The following GGACT variants were observed in gnomAD, a reference collection of about 807,000 sequenced individuals.
The protein encoded by GGACT is gamma-glutamylaminecyclotransferase.
For synonymous variants in GGACT, 118 were observed against 115.3 expected (o/e 1.02, Z -0.15); for missense variants, 241 against 233.2 (o/e 1.03, Z -0.22).
At chr13:100,564,178 A>AT (rs2088789613) in intron 2 of GGACT, among the ~76,000 whole-genome samples, 1 of 152,114 alleles carries the variant, frequency 6.6e-6, no homozygotes, top group South Asian at 2.1e-4. Flanking sequence ...AAAATACAGT[A>AT]TTTTTCAAAG....
At position 100,587,811 on chromosome 13, in the gene GGACT, G is replaced by A. The variant is rs1594202583; in HGVS notation, c.-184+930C>T. Among the ~76,000 whole-genome samples, 5 of 152,282 alleles carry A rather than the reference G, an allele frequency of 3.3e-5. 1 individual carries two copies. In the South Asian group the frequency reaches 1.0e-3, roughly 32 times the overall value. ...GGGAGGCCAAGGCGGGCGGATCACG[G>A]GGTCAGGAGTTCGAGACCAGCCTGG... On this transcript the variant is annotated intron_variant, in intron 1 of 2. Transcript: ENST00000683975.
rs2088592799 is a variant in GGACT, at chr13:100,545,074, G to A, written c.-10-12473C>T. ...AACACATGCTGGGCAGGCGGCCAGC[G>A]GCCCAACACTGGAGATGCCGTCAAC... On this transcript the variant is annotated intron_variant, in intron 2 of 2. Coordinates refer to ENST00000683975, the MANE Select transcript of GGACT (RefSeq NM_001195087.2). This position sits in a 1 kb window ranked among gnomAD's most constrained non-coding sequence, Gnocchi z 4.4. Among the ~76,000 whole-genome samples, 2 of 152,182 alleles carry A rather than the reference G, an allele frequency of 1.3e-5. No homozygotes were observed. The highest frequency in any genetic ancestry group is 2.4e-5 in the African/African-American group (1 of 41,454).
chr13:100,576,004 G>A (rs1048288972), intron 2 of GGACT, among the ~76,000 whole-genome samples: 2 of 152,188 alleles, frequency 1.3e-5, no homozygotes, highest in African/African-American at 4.8e-5. Flanking sequence ...ATTGCAAAAT[G>A]CATTGTGAAT....
chr13:100,532,438 A>G lies in GGACT; in HGVS notation c.154T>C (p.Trp52Arg). 1 of 1,549,922 alleles carries G rather than the reference A, an allele frequency of 6.5e-7. No individual in the cohort carries two copies. The highest frequency in any genetic ancestry group is 1.2e-5 in the South Asian group (1 of 84,044). ...CCCGAGCCGGGCAGGTGCAGCAGCC[A>G]CGGGATGTTGTGCTCCCCCGCGATC... ...LVIAGEHNIP[W>R]LLHLPGSGRL... The change falls in exon 3 of 3, where the codon TGG becomes CGG. Residue 52 changes from tryptophan to arginine, a missense_variant. By Grantham distance (101) the Trp-to-Arg change is moderately radical (BLOSUM62 -3). Transcript: ENST00000683975.
chr13:100,559,140 C>T (rs1429115649), intron 2 of GGACT, among the ~76,000 whole-genome samples: 1 of 152,110 alleles, frequency 6.6e-6, no homozygotes, highest in African/African-American at 2.4e-5. Context: ...TGCACAACAT[C>T]CCAAAAAACC....
intron 2 of GGACT, among the ~76,000 whole-genome samples, chr13:100,551,422 A>C (rs1174257630): frequency 1.3e-5 from 2 of 152,208 alleles, no homozygotes; most frequent in African/African-American, 4.8e-5. Flanking sequence ...CAAGGTGAGG[A>C]GGCCACTAGC....
chr13:100,561,972 T>G (rs1477451610), intron 2 of GGACT, among the ~76,000 whole-genome samples: 1 of 152,214 alleles, frequency 6.6e-6, no homozygotes, highest in Non-Finnish European at 1.5e-5. Flanking sequence ...TCAAAGGTCA[T>G]GCGGCAGAGT....
intron 2 of GGACT, among the ~76,000 whole-genome samples, chr13:100,554,548 C>G (rs2088695391): frequency 6.6e-6 from 1 of 152,088 alleles, no homozygotes; most frequent in African/African-American, 2.4e-5. Flanking sequence ...ACAGGTAAAT[C>G]TAGGTAATAA....
At chr13:100,556,936 C>T (rs1386729391) in intron 2 of GGACT, among the ~76,000 whole-genome samples, 1 of 152,078 alleles carries the variant, frequency 6.6e-6, no homozygotes, top group African/African-American at 2.4e-5. Flanking sequence ...TGCAGTGATG[C>T]AATCTTGGCT....
intron 2 of GGACT, chr13:100,539,693 C>G: frequency 1.7e-6 from 1 of 585,484 alleles, no homozygotes; most frequent in Non-Finnish European, 3.0e-6. Context: ...GCCTTAGTAT[C>G]AGGGTGATGC....
At chr13:100,572,666 A>G (rs1249238681) in intron 2 of GGACT, among the ~76,000 whole-genome samples, 1 of 152,172 alleles carries the variant, frequency 6.6e-6, no homozygotes, top group Non-Finnish European at 1.5e-5. Flanking sequence ...TCCTTGCCTC[A>G]AGGTATCCTC....
rs750504207 is a variant in GGACT at position 100,580,676 on chromosome 13, A to G, written c.-11+3149T>C. Among the ~76,000 whole-genome samples the G allele has an allele frequency of 4.0e-4, 61 of 152,340 alleles. 1 individual carries two copies. Among genetic ancestry groups the G allele is most frequent in the Middle Eastern group, 6.8e-3 (2 of 294 alleles). ...CAAAGGCTGCCTTGGCTTAGGCAGAATAAAACAGCCAGGGCTCACAAGTGA... is the reference window on the plus strand; with the variant it reads ...CAAAGGCTGCCTTGGCTTAGGCAGAGTAAAACAGCCAGGGCTCACAAGTGA... On this transcript the variant is annotated intron_variant, in intron 2 of 2. Coordinates refer to ENST00000683975, the MANE Select transcript of GGACT (RefSeq NM_001195087.2).
chr13:100,553,810 C>T (rs1185628967), intron 2 of GGACT, among the ~76,000 whole-genome samples: 1 of 148,540 alleles, frequency 6.7e-6, no homozygotes, highest in Non-Finnish European at 1.5e-5. Flanking sequence ...CGCCACTGCA[C>T]TCCAGCGGGG....
At chr13:100,541,375 T>G (rs542845005) in intron 2 of GGACT, among the ~76,000 whole-genome samples, 1 of 152,312 alleles carries the variant, frequency 6.6e-6, no homozygotes, top group South Asian at 2.1e-4. Flanking sequence ...GGGCAAGTGA[T>G]TTCAAGTTCT....
chr13:100,584,488 A>AG (rs1875507095), intron 1 of GGACT, among the ~76,000 whole-genome samples: 1 of 152,108 alleles, frequency 6.6e-6, no homozygotes, highest in Non-Finnish European at 1.5e-5. Context: ...GAAGGGTAGT[A>AG]GGGGGGTTGG....
chr13:100,572,815 C>T (rs72661036), intron 2 of GGACT, among the ~76,000 whole-genome samples: 460 of 152,306 alleles, frequency 3.0e-3, no homozygotes, highest in Non-Finnish European at 3.7e-3. Flanking sequence ...GCTGCAGGTA[C>T]ATTTATGCAT....
intron 2 of GGACT, among the ~76,000 whole-genome samples, chr13:100,582,579 T>C (rs992594311): frequency 6.6e-6 from 1 of 152,130 alleles, no homozygotes; most frequent in Non-Finnish European, 1.5e-5. Flanking sequence ...CTGGATCAGA[T>C]CAGACAGATG....
At chr13:100,569,169 A>G (rs1040561108) in intron 2 of GGACT, among the ~76,000 whole-genome samples, 1 of 152,238 alleles carries the variant, frequency 6.6e-6, no homozygotes, top group African/African-American at 2.4e-5. Flanking sequence ...CTTTTCCCAC[A>G]GCTCTACTAG....
At chr13:100,585,547 C>A (rs1875541353) in intron 1 of GGACT, among the ~76,000 whole-genome samples, 1 of 152,058 alleles carries the variant, frequency 6.6e-6, no homozygotes, top group Non-Finnish European at 1.5e-5. Context: ...GCAGGTGGAT[C>A]ACTTGAGTTC....
Sources: gnomAD v4.1 joint callset for allele counts (sites outside exome capture counted in the v4.1 genomes callset) on GRCh38, gnomAD v4.1.1 for gene constraint, Gnocchi (gnomAD v3.1) non-coding constraint, MANE v1.5 for transcripts, NCBI Gene and HGNC (gene_info 2026-07-23, HGNC 2026-07-21) for gene names.